The following TPP2 variants were observed in gnomAD, a reference collection of about 807,000 sequenced individuals.
TPP2 encodes tripeptidyl-peptidase 2.
Under a neutral mutation model 155.9 loss-of-function variants are expected in TPP2, and 34 were observed. The ratio of observed to expected loss-of-function variants is 0.22; its 90% CI spans 0.17 to 0.29. The LOEUF is 0.29. TPP2 is among the 10% of genes least tolerant of loss of function. The pLI, the probability that TPP2 is intolerant of heterozygous loss-of-function variation, is 1.00. For synonymous variants in TPP2, 510 were observed against 529.4 expected, an observed-to-expected ratio of 0.96 and a Z score of 0.50; for missense variants, 1,028 against 1,522.3, an observed-to-expected ratio of 0.68 and a Z score of 5.40.
intron 2 of TPP2, among the ~76,000 whole-genome samples, chr13:102,607,423 A>G (rs1225625342): frequency 6.6e-6 from 1 of 152,072 alleles, no homozygotes; most frequent in Non-Finnish European, 1.5e-5. Flanking sequence ...CTTCTGAATT[A>G]CTCTAGAGTT....
intron 27 of TPP2, among the ~76,000 whole-genome samples, chr13:102,669,645 TG>T (rs1406017429): frequency 6.6e-6 from 1 of 152,196 alleles, no homozygotes; most frequent in Non-Finnish European, 1.5e-5. Context: ...GACATGCGTG[TG>T]AGCTGGCAAT....
intron 4 of TPP2, among the ~76,000 whole-genome samples, chr13:102,616,863 T>A (rs1880772720): frequency 6.6e-6 from 1 of 152,292 alleles, no homozygotes; most frequent in South Asian, 2.1e-4. Flanking sequence ...TGATTTTGCC[T>A]ATTTTGATTT....
chr13:102,620,400 A>G (rs1255300985), intron 5 of TPP2, among the ~76,000 whole-genome samples: 3 of 152,250 alleles, frequency 2.0e-5, no homozygotes, highest in Non-Finnish European at 4.4e-5. Flanking sequence ...AGGTGGTACT[A>G]GATATAATGT....
intron 24 of TPP2, among the ~76,000 whole-genome samples, chr13:102,653,556 G>A (rs1883654692): frequency 6.6e-6 from 1 of 151,868 alleles, no homozygotes. Flanking sequence ...CACTATGCCT[G>A]GCTAATTTTT....
At chr13:102,628,064 T>C in intron 8 of TPP2, 140 bp downstream of exon 8, 2 of 673,964 alleles carry the variant, frequency 3.0e-6, no homozygotes, top group East Asian at 5.7e-5. Flanking sequence ...TCAAGAGGAC[T>C]TTCATCCTCT....
chr13:102,610,879 A>G (rs1330043808), intron 2 of TPP2, among the ~76,000 whole-genome samples: 1 of 152,218 alleles, frequency 6.6e-6, no homozygotes, highest in Non-Finnish European at 1.5e-5. Context: ...GATCAAGATA[A>G]AGAGTATTGC....
At chr13:102,607,955 A>G (rs560248661) in intron 2 of TPP2, 29 of 163,656 alleles carry the variant, frequency 1.8e-4, no homozygotes, top group Non-Finnish European at 3.5e-4. Flanking sequence ...TAATAATATC[A>G]CTAGTGTTCA....
chr13:102,640,292 G>A lies in TPP2; in HGVS notation c.1936G>A (p.Asp646Asn). ...AAKVNESSHY[D>N]LAFTDVHFKP... ...CAGAGTAAATGAATCATCACATTATGATCTAGCCTTTACAGATGTACACTT... is the reference window on the plus strand; with the variant it reads ...CAGAGTAAATGAATCATCACATTATAATCTAGCCTTTACAGATGTACACTT... The change falls in exon 16 of 30, where the codon GAT becomes AAT. Residue 646 changes from aspartate (D) to asparagine (N), a missense_variant. Transcript: ENST00000376052. The A allele has an allele frequency of 6.2e-7, 1 of 1,610,830 alleles. No individual in the cohort carries two copies. Among genetic ancestry groups the A allele is most frequent in the Non-Finnish European group, 8.5e-7 (1 of 1,177,902 alleles).
chr13:102,628,074 T>C (rs894493505), intron 8 of TPP2, 150 bp downstream of exon 8: 9 of 649,852 alleles, frequency 1.4e-5, no homozygotes, highest in Admixed American at 3.1e-5. Flanking sequence ...TTTCATCCTC[T>C]TGAAGTCCTG....
intron 2 of TPP2, among the ~76,000 whole-genome samples, chr13:102,608,827 T>G (rs1880045972): frequency 1.3e-5 from 2 of 152,154 alleles, no homozygotes; most frequent in Admixed American, 6.5e-5. Flanking sequence ...TGTTCTCTGC[T>G]TTTTATGTTA....
chr13:102,644,223 CTTGA>C (rs1882951445), intron 17 of TPP2, among the ~76,000 whole-genome samples: 1 of 152,088 alleles, frequency 6.6e-6, no homozygotes, highest in African/African-American at 2.4e-5. Flanking sequence ...TGTCGTTATA[CTTGA>C]TTATTTTTCT....
At chr13:102,612,488 G>A (rs1880396023) in intron 2 of TPP2, among the ~76,000 whole-genome samples, 1 of 152,052 alleles carries the variant, frequency 6.6e-6, no homozygotes, top group South Asian at 2.1e-4. Context: ...AACCTAAAAT[G>A]GTCAAATGTA....
At chr13:102,640,896 C>T (rs1209863070) in intron 16 of TPP2, among the ~76,000 whole-genome samples, 2 of 152,088 alleles carry the variant, frequency 1.3e-5, no homozygotes, top group South Asian at 2.1e-4. Flanking sequence ...GTGATACACT[C>T]GCCTCGTCCT....
intron 23 of TPP2, among the ~76,000 whole-genome samples, chr13:102,651,011 A>T (rs774308190): frequency 1.3e-5 from 2 of 152,216 alleles, no homozygotes; most frequent in African/African-American, 4.8e-5. Flanking sequence ...ATAAGAATGC[A>T]TAGGCAATGG....
chr13:102,673,989 T>TA (rs1885149359), intron 27 of TPP2, among the ~76,000 whole-genome samples: 1 of 152,166 alleles, frequency 6.6e-6, no homozygotes, highest in South Asian at 2.1e-4. Context: ...GTTATATAGC[T>TA]AAAAAAATTT....
chr13:102,675,647 A>G (rs1047239517), intron 28 of TPP2, among the ~76,000 whole-genome samples: 2 of 152,180 alleles, frequency 1.3e-5, no homozygotes, highest in Non-Finnish European at 1.5e-5. Flanking sequence ...ACATATAATA[A>G]AATTGTTATA....
intron 1 of TPP2, among the ~76,000 whole-genome samples, chr13:102,600,499 G>C (rs1303375094): frequency 6.7e-6 from 1 of 150,124 alleles, no homozygotes; most frequent in Non-Finnish European, 1.5e-5. Context: ...TAGGCTTTTT[G>C]TCTCTTTGCT....
intron 13 of TPP2, 45 bp from the exon 14 acceptor site, chr13:102,637,037 A>G (rs11618464): frequency 1.3e-6 from 2 of 1,543,430 alleles, no homozygotes; most frequent in South Asian, 1.2e-5. Context: ...AATGGAAAAA[A>G]GGAAAAAAAT....
chr13:102,607,573 T>A (rs1023235645), intron 2 of TPP2: 1 of 382,390 alleles, frequency 2.6e-6, no homozygotes, highest in African/African-American at 2.1e-5. Context: ...TATAAAGTAT[T>A]ACTCGAGCAT....
Sources: allele counts gnomAD v4.1 joint callset (sites outside exome capture counted in the v4.1 genomes callset), GRCh38; gene constraint gnomAD v4.1.1; transcripts MANE v1.5; gene names NCBI Gene and HGNC (gene_info 2026-07-23, HGNC 2026-07-21).